The following TAOK3 variants were observed in gnomAD, a reference collection of about 807,000 sequenced individuals.
The protein encoded by TAOK3 is TAO kinase 3.
TAOK3 carries 40 observed loss-of-function variants against 120.4 expected under a neutral mutation model. The ratio of observed to expected loss-of-function variants is 0.33; its 90% CI spans 0.26 to 0.43. TAOK3 has a LOEUF of 0.43. Ranked by LOEUF, TAOK3 falls within the 20% of genes least tolerant of loss-of-function variation. TAOK3 has a pLI of 1.00. For missense variants in TAOK3, 821 were observed against 1,112.1 expected (o/e 0.74, Z 3.72); for synonymous variants, 355 against 387.5 (o/e 0.92, Z 0.99).
chr12:118,206,320 A>G (rs886103445), intron 11 of TAOK3, among the ~76,000 whole-genome samples: 1 of 152,214 alleles, frequency 6.6e-6, no homozygotes, highest in African/African-American at 2.4e-5. Flanking sequence ...TGGACTTCCT[A>G]TTACATGAGA....
chr12:118,367,561 G>GT lies in TAOK3; in HGVS notation c.-194+5086dup, dbSNP rs1276677901. ...TTTACTTAGCTGAGCCTAAGAAACA[G>GT]TAAAAAAACTTTTAACATAGCTTAC... On this transcript the variant is annotated intron_variant, in intron 1 of 20. Coordinates refer to ENST00000392533, the MANE Select transcript of TAOK3 (RefSeq NM_016281.4). 9.9e-5 allele frequency among the ~76,000 whole-genome samples: 15 copies of GT among 151,906 alleles called. No homozygotes were observed. In the East Asian group the frequency reaches 2.9e-3, roughly 29 times the overall value.
intron 10 of TAOK3, among the ~76,000 whole-genome samples, chr12:118,213,282 A>C (rs1399834475): frequency 1.3e-5 from 2 of 152,128 alleles, no homozygotes; most frequent in African/African-American, 4.8e-5. Context: ...GTTTAAATAA[A>C]AGTTTTATAT....
At chr12:118,163,390 A>C (rs1179731234) in intron 17 of TAOK3, among the ~76,000 whole-genome samples, 1 of 143,546 alleles carries the variant, frequency 7.0e-6, no homozygotes, top group African/African-American at 2.6e-5. Flanking sequence ...GCTGAAATAA[A>C]TTTCAGTTAA....
chr12:118,170,843 T>A (rs755440065), intron 17 of TAOK3, among the ~76,000 whole-genome samples: 2 of 152,220 alleles, frequency 1.3e-5, no homozygotes, highest in Admixed American at 1.3e-4. Flanking sequence ...CTGGCCTACA[T>A]GTGTTCAATA....
At chr12:118,202,117 G>A (rs901241516) in intron 11 of TAOK3, among the ~76,000 whole-genome samples, 27 of 149,938 alleles carry the variant, frequency 1.8e-4, no homozygotes, top group Middle Eastern at 3.5e-3. Context: ...CAAATGGCAG[G>A]CCCACTTTCT....
At chr12:118,349,044 A>T (rs1191981726) in intron 1 of TAOK3, among the ~76,000 whole-genome samples, 1 of 151,534 alleles carries the variant, frequency 6.6e-6, no homozygotes, top group Non-Finnish European at 1.5e-5. Context: ...GGTGCTCACC[A>T]CCACACCCAG....
intron 1 of TAOK3, among the ~76,000 whole-genome samples, chr12:118,344,783 G>T (rs1439660166): frequency 1.3e-5 from 2 of 151,960 alleles, no homozygotes; most frequent in Non-Finnish European, 2.9e-5. Flanking sequence ...AAAAATAATA[G>T]TACTTTATTT....
At position 118,372,070 on chromosome 12, in the gene TAOK3, C is replaced by T. The variant is rs2045913895; in HGVS notation, c.-194+578G>A. 6.6e-6 allele frequency among the ~76,000 whole-genome samples: 1 copy of T among 152,014 alleles called. No homozygotes were observed. Among genetic ancestry groups the T allele is most frequent in the Non-Finnish European group, 1.5e-5 (1 of 67,966 alleles). On this transcript the variant is annotated intron_variant, in intron 1 of 20. Coordinates refer to ENST00000392533, the MANE Select transcript of TAOK3 (RefSeq NM_016281.4). The surrounding 1 kb of genome is among the most constrained non-coding windows in gnomAD (Gnocchi z 4.6). ...GGGTCTTCTCACACTCTGTTCTAAG[C>T]CCTCTGGGGATCCCCTGTCTTCACA...
intron 9 of TAOK3, among the ~76,000 whole-genome samples, chr12:118,220,478 C>A (rs1177607414): frequency 6.6e-6 from 1 of 151,666 alleles, no homozygotes; most frequent in Non-Finnish European, 1.5e-5. Flanking sequence ...ATGACAGATA[C>A]TATTTGATGG....
At chr12:118,363,778 C>G (rs1008892368) in intron 1 of TAOK3, among the ~76,000 whole-genome samples, 3 of 146,158 alleles carry the variant, frequency 2.1e-5, no homozygotes, top group African/African-American at 7.8e-5. Context: ...GAGAGAGAGA[C>G]AGACAGACAG....
intron 1 of TAOK3, among the ~76,000 whole-genome samples, chr12:118,269,251 T>C (rs1713610598): frequency 6.6e-6 from 1 of 151,822 alleles, no homozygotes. Flanking sequence ...AACCTCCACC[T>C]CCCAGGTTCA....
At position 118,291,711 on chromosome 12, in the gene TAOK3, A is replaced by G. The variant is rs1028678867; in HGVS notation, c.-193-24952T>C. ...TTAATGGACGTCTTAAGGAACTGGC[A>G]TTTGAGATCATTCGATTTAAACATT... On this transcript the variant is annotated intron_variant, in intron 1 of 20. Coordinates refer to ENST00000392533, the MANE Select transcript of TAOK3 (RefSeq NM_016281.4). Among the ~76,000 whole-genome samples, 4 of 152,208 alleles carry G rather than the reference A, an allele frequency of 2.6e-5. No homozygotes were observed. The East Asian group carries it at 5.8e-4, about 22-fold the overall frequency.
Position 118,255,597 on chromosome 12 carries a change from G to C in TAOK3, c.-30C>G, listed in dbSNP as rs533949896. 2 of 1,577,402 alleles carry C rather than the reference G, an allele frequency of 1.3e-6. No individual in the cohort carries two copies. The highest frequency in any genetic ancestry group is 2.7e-5 in the African/African-American group (2 of 73,318). On this transcript the variant is annotated 5_prime_UTR_variant, in exon 3 of 21. In the 5' UTR this introduces an upstream ATG that the reference lacks. Transcript: ENST00000392533. ...GCCAGTAGAGCAGGCTCTGCTTTTT[G>C]ATATCAGTTAGCTTTATTTCTCATT...
intron 1 of TAOK3, among the ~76,000 whole-genome samples, chr12:118,277,618 G>A (rs1156603371): frequency 4.0e-5 from 6 of 151,890 alleles, no homozygotes; most frequent in Non-Finnish European, 5.9e-5. Context: ...GCACCACCAT[G>A]CCTGGCTAAT....
chr12:118,356,482 T>C (rs1467087719), intron 1 of TAOK3, among the ~76,000 whole-genome samples: 1 of 151,952 alleles, frequency 6.6e-6, no homozygotes, highest in Non-Finnish European at 1.5e-5. Flanking sequence ...GTATTTTCAG[T>C]AGAGACGGGG....
At chr12:118,335,201 A>G (rs1438744829) in intron 1 of TAOK3, among the ~76,000 whole-genome samples, 1 of 151,724 alleles carries the variant, frequency 6.6e-6, no homozygotes, top group Non-Finnish European at 1.5e-5. Flanking sequence ...AAAAAAAAAA[A>G]TCTGTTTCAA....
chr12:118,171,202 A>G (rs752384226), intron 17 of TAOK3, among the ~76,000 whole-genome samples: 1 of 152,246 alleles, frequency 6.6e-6, no homozygotes, highest in Non-Finnish European at 1.5e-5. Flanking sequence ...ATTAACTATC[A>G]GTTCTGAGTA....
In TAOK3 at chr12:118,151,000, T is replaced by C; in HGVS notation, c.2694A>G (p.Arg898=). 6.3e-7 allele frequency: 1 copy of C among 1,582,860 alleles called. No individual in the cohort carries two copies. Among genetic ancestry groups the C allele is most frequent in the Non-Finnish European group, 8.6e-7 (1 of 1,156,696 alleles). ...VTLDFPKEDY[R] Reference sequence around the variant, plus strand: ...GTAAATGGCAAAAAATTTAATCTCATCTGTAGTCCTCCTTAGGAAAATCTA... The same window carrying C: ...GTAAATGGCAAAAAATTTAATCTCACCTGTAGTCCTCCTTAGGAAAATCTA... Residue 898 remains arginine (R), a synonymous_variant, in exon 21 of 21, where the codon AGA becomes AGG. Transcript: ENST00000392533.
chr12:118,267,302 A>T (rs914656959), intron 1 of TAOK3, among the ~76,000 whole-genome samples: 3 of 151,268 alleles, frequency 2.0e-5, no homozygotes, highest in African/African-American at 7.3e-5. Context: ...TGCAACCTCT[A>T]CCTCCCAGGT....
Sources: gnomAD v4.1 joint callset for allele counts (sites outside exome capture counted in the v4.1 genomes callset) on GRCh38, gnomAD v4.1.1 for gene constraint, Gnocchi (gnomAD v3.1) non-coding constraint, MANE v1.5 for transcripts, NCBI Gene and HGNC (gene_info 2026-07-23, HGNC 2026-07-21) for gene names.